Variants in PCDHGA4 observed in about 807,000 individuals in gnomAD.
PCDHGA4 encodes the protein protocadherin gamma subfamily A, 4, also known as protocadherin gamma-A4.
A neutral mutation model predicts 54.6 loss-of-function variants in PCDHGA4; 38 were observed. The observed-to-expected ratio is 0.70, with a 90% CI of 0.54 to 0.91. The LOEUF (loss-of-function observed/expected upper bound fraction) is 0.91. Ranked by LOEUF, PCDHGA4 falls within the 40% of genes least tolerant of loss-of-function variation. PCDHGA4 has a pLI of 0.00. For missense variants in PCDHGA4, 1,298 were observed against 1,220.9 expected, an observed-to-expected ratio of 1.06 and a Z score of -0.94; for synonymous variants, 511 against 512.9, an observed-to-expected ratio of 1.00 and a Z score of 0.05.
chr5:141,357,585 G>C lies in PCDHGA4; in HGVS notation c.2478G>C (p.Gln826His), dbSNP rs778650217. ...AAAGCGAGCCTCTTCTGATAACTCA[G>C]GATTTACTTGAAACAAAAGGAGACC... ...CEKSEPLLITQDLLETKGDPN... is the reference protein window; with the variant it reads ...CEKSEPLLITHDLLETKGDPN... Residue 826 changes from glutamine (Q) to histidine (H), a missense_variant, in exon 1 of 4, where the codon CAG (glutamine) becomes CAC (histidine). Physicochemically the swap from Gln to His is conservative, Grantham distance 24. Transcript: ENST00000571252. 7.4e-6 allele frequency: 12 copies of C among 1,614,146 alleles called. No individual in the cohort carries two copies. In the South Asian group the frequency reaches 7.7e-5, roughly 10 times the overall value.
chr5:141,475,128 C>T (rs775275292), intron 1 of PCDHGA4, among the ~76,000 whole-genome samples: 3 of 151,894 alleles, frequency 2.0e-5, no homozygotes, highest in Non-Finnish European at 4.4e-5. Context: ...GGCTTTTTTT[C>T]TTTTTGAAAT....
rs1023672540 is a variant in PCDHGA4 at position 141,355,801 on chromosome 5, G to A, written c.694G>A (p.Asp232Asn). ...AGAGCTGGTGCTGGAACGCGCTCTA[G>A]ATCGCGAGGAAGAGGCGGTTCACCA... ...YPELVLERAL[D>N]REEEAVHHLV... Residue 232 changes from aspartate (D) to asparagine (N), a missense_variant, in exon 1 of 4, where the codon GAT becomes AAT. Physicochemically the swap from Asp to Asn is conservative, Grantham distance 23. Coordinates refer to ENST00000571252, the MANE Select transcript of PCDHGA4 (RefSeq NM_018917.4). 2 of 1,613,404 alleles carry A rather than the reference G, an allele frequency of 1.2e-6. No individual in the cohort carries two copies. The highest frequency in any genetic ancestry group is 2.7e-5 in the African/African-American group (2 of 74,922).
chr5:141,429,528 A>T (rs1405050386), intron 1 of PCDHGA4, among the ~76,000 whole-genome samples: 1 of 152,166 alleles, frequency 6.6e-6, no homozygotes, highest in African/African-American at 2.4e-5. Context: ...AAAAAAGCTT[A>T]AAAAAATAAG....
At chr5:141,383,051 A>T in intron 1 of PCDHGA4, 2 of 1,613,872 alleles carry the variant, frequency 1.2e-6, no homozygotes, top group Non-Finnish European at 1.7e-6. Context: ...ATCGCCAAGG[A>T]CCTGGGGCTG....
chr5:141,383,786 C>T, intron 1 of PCDHGA4: 1 of 1,613,928 alleles, frequency 6.2e-7, no homozygotes, highest in South Asian at 1.1e-5. Context: ...CATCTGAACT[C>T]GCTTACAGGA....
chr5:141,432,873 T>G lies in PCDHGA4; in HGVS notation c.2515-61934T>G, dbSNP rs753576338. The stretch of plus-strand genomic sequence containing the variant: ...GTGGCCGCGGTCTCCTGCGTCTTCC[T>G]GGCCTTCGTCATCTTGCTGCTGGCG... On this transcript the variant is annotated intron_variant, in intron 1 of 3. Transcript: ENST00000571252. This position sits in a 1 kb window ranked among gnomAD's most constrained non-coding sequence, Gnocchi z 6.0. 4 of 1,614,204 alleles carry G rather than the reference T, an allele frequency of 2.5e-6. No homozygotes were observed. The highest frequency in any genetic ancestry group is 3.4e-6 in the Non-Finnish European group (4 of 1,180,014).
chr5:141,469,880 C>T (rs774827232), intron 1 of PCDHGA4, among the ~76,000 whole-genome samples: 7 of 152,210 alleles, frequency 4.6e-5, no homozygotes, highest in East Asian at 1.9e-4. Flanking sequence ...CCTGTAATCT[C>T]GGCACTTTGG....
At chr5:141,421,322 T>A (rs774885270) in intron 1 of PCDHGA4, 1 of 1,613,864 alleles carries the variant, frequency 6.2e-7, no homozygotes, top group Non-Finnish European at 8.5e-7. Context: ...GCCAGGCAGA[T>A]CCGATATTCG....
intron 1 of PCDHGA4, chr5:141,395,373 G>A (rs2150613921): frequency 1.7e-6 from 2 of 1,189,412 alleles, no homozygotes; most frequent in African/African-American, 3.1e-5. Context: ...TATTTTGGTG[G>A]TGTTACTATA....
intron 1 of PCDHGA4, chr5:141,398,973 C>T: frequency 6.2e-7 from 1 of 1,613,952 alleles, no homozygotes; most frequent in Non-Finnish European, 8.5e-7. Context: ...ATTCCTTCTA[C>T]AGAACCGGGC....
At position 141,490,207 on chromosome 5, in the gene PCDHGA4, C is replaced by G. The variant is rs142098675; in HGVS notation, c.2515-4600C>G. ...TTTCTATGAAATTCATGCAAGAGCC[C>G]GTGACCAGGGACAGCCTGCCATGGA... On this transcript the variant is annotated intron_variant, in intron 1 of 3. Coordinates refer to ENST00000571252, the MANE Select transcript of PCDHGA4 (RefSeq NM_018917.4). This position sits in a 1 kb window ranked among gnomAD's most constrained non-coding sequence, Gnocchi z 5.4. 2.9e-4 allele frequency: 470 copies of G among 1,614,056 alleles called. 1 individual carries two copies. Among genetic ancestry groups the G allele is most frequent in the Non-Finnish European group, 3.7e-4 (439 of 1,180,030 alleles).
In PCDHGA4 at chr5:141,356,575, G is replaced by A; in HGVS notation, c.1468G>A (p.Ala490Thr). 6.2e-7 allele frequency: 1 copy of A among 1,614,084 alleles called. No individual in the cohort carries two copies. The highest frequency in any genetic ancestry group is 8.5e-7 in the Non-Finnish European group (1 of 1,180,016). Reference protein sequence around the residue: ...PPTFPHASYSAYIPENNPRGA... With the variant: ...PPTFPHASYSTYIPENNPRGA... The stretch of plus-strand genomic sequence containing the variant: ...CACTTTCCCTCATGCTTCCTACTCT[G>A]CTTACATTCCTGAAAACAACCCCAG... Residue 490 changes from alanine to threonine, a missense_variant, in exon 1 of 4, where the codon GCT (alanine) becomes ACT (threonine). Coordinates refer to ENST00000571252, the MANE Select transcript of PCDHGA4 (RefSeq NM_018917.4).
intron 1 of PCDHGA4, chr5:141,365,548 A>G: frequency 6.2e-7 from 1 of 1,613,806 alleles, no homozygotes; most frequent in Non-Finnish European, 8.5e-7. Flanking sequence ...ACCTATTAAC[A>G]ACTAGGGACC....
At chr5:141,495,270 G>A (rs1428903664) in intron 2 of PCDHGA4, among the ~76,000 whole-genome samples, 1 of 152,178 alleles carries the variant, frequency 6.6e-6, no homozygotes, top group African/African-American at 2.4e-5. Context: ...GCATTTGACC[G>A]GAGGAGGCGG....
intron 2 of PCDHGA4, among the ~76,000 whole-genome samples, chr5:141,497,393 CT>C (rs1035907100): frequency 2.1e-4 from 32 of 152,254 alleles, no homozygotes; most frequent in African/African-American, 7.5e-4. Context: ...CACCTTACCC[CT>C]GCCTCAACTC....
chr5:141,432,991 CG>C lies in PCDHGA4; in HGVS notation c.2515-61812del. 1.9e-6 allele frequency: 3 copies of C among 1,614,200 alleles called. No homozygotes were observed. Among genetic ancestry groups the C allele is most frequent in the Non-Finnish European group, 2.5e-6 (3 of 1,180,030 alleles). On this transcript the variant is annotated intron_variant, in intron 1 of 3. Transcript: ENST00000571252. This position sits in a 1 kb window ranked among gnomAD's most constrained non-coding sequence, Gnocchi z 6.0. ...CGGCGTCGCACTTTGTGGGCGTGGACGGGGTGCAGGCTTTCCTGCAGACCTA... is the reference window on the plus strand; with the variant it reads ...CGGCGTCGCACTTTGTGGGCGTGGACGGGTGCAGGCTTTCCTGCAGACCTA...
intron 1 of PCDHGA4, among the ~76,000 whole-genome samples, chr5:141,357,904 T>C (rs1760761041): frequency 6.6e-6 from 1 of 152,222 alleles, no homozygotes; most frequent in Non-Finnish European, 1.5e-5. Flanking sequence ...AATTTCCTTT[T>C]CTGTGCTGGG....
At position 141,505,504 on chromosome 5, in the gene PCDHGA4, T is replaced by C. The variant is rs756583857; in HGVS notation, c.2662+23T>C. The C allele has an allele frequency of 9.3e-6, 15 of 1,614,020 alleles. No individual in the cohort carries two copies. The African/African-American group carries it at 1.2e-4, about 13-fold the overall frequency. ...GTGGTAAGTGGTGTCAGTGTGTGTA[T>C]GGAAGAGTGGGAGACCTGGGGTTCT... On this transcript the variant is annotated intron_variant, in intron 3 of 3. Transcript: ENST00000571252.
chr5:141,361,963 C>T, intron 1 of PCDHGA4: 1 of 1,602,208 alleles, frequency 6.2e-7, no homozygotes. Context: ...CCACGTGCTG[C>T]AGGCCAGCGA....
Sources: allele counts gnomAD v4.1 joint callset (sites outside exome capture counted in the v4.1 genomes callset), GRCh38; gene constraint gnomAD v4.1.1; non-coding constraint Gnocchi (gnomAD v3.1); transcripts MANE v1.5; gene names NCBI Gene and HGNC (gene_info 2026-07-23, HGNC 2026-07-21).